RFX3: variants seen among roughly 807,000 people sequenced by gnomAD.
RFX3 encodes the protein transcription factor RFX3.
Under a neutral mutation model 98.6 loss-of-function variants are expected in RFX3, and 14 were observed. That is an observed-to-expected ratio of 0.14 (90% CI 0.09 to 0.22). The LOEUF is 0.22. RFX3 is among the 10% of genes least tolerant of loss of function. RFX3 has a pLI of 1.00. For synonymous variants in RFX3, 383 were observed against 328.4 expected (o/e 1.17, Z -1.80); for missense variants, 639 against 926.9 (o/e 0.69, Z 4.03).
intron 1 of RFX3, among the ~76,000 whole-genome samples, chr9:3,524,811 C>A (rs907288284): frequency 2.1e-5 from 3 of 145,896 alleles, no homozygotes; most frequent in African/African-American, 7.6e-5. Flanking sequence ...TGCCCTGCAT[C>A]CGGTTTAAAT....
At chr9:3,497,013 T>C (rs567132511) in intron 1 of RFX3, among the ~76,000 whole-genome samples, 5 of 152,096 alleles carry the variant, frequency 3.3e-5, no homozygotes, top group African/African-American at 9.6e-5. Flanking sequence ...TCAAGATTAG[T>C]TGCAGGAGGT....
chr9:3,474,173 G>A (rs550431186), intron 1 of RFX3, among the ~76,000 whole-genome samples: 1 of 152,242 alleles, frequency 6.6e-6, no homozygotes, highest in South Asian at 2.1e-4. Flanking sequence ...GATATGACTT[G>A]TTATAGATGT....
chr9:3,493,010 T>A (rs1458666981), intron 1 of RFX3, among the ~76,000 whole-genome samples: 1 of 152,144 alleles, frequency 6.6e-6, no homozygotes, highest in African/African-American at 2.4e-5. Flanking sequence ...TTATAACTCA[T>A]CAAATAATAA....
chr9:3,353,632 G>A (rs1286186388), intron 2 of RFX3, among the ~76,000 whole-genome samples: 1 of 151,888 alleles, frequency 6.6e-6, no homozygotes, highest in South Asian at 2.1e-4. Flanking sequence ...ACAACTTTAG[G>A]CTCATCCTAA....
chr9:3,430,316 T>G (rs553054611), intron 1 of RFX3, among the ~76,000 whole-genome samples: 2 of 152,298 alleles, frequency 1.3e-5, no homozygotes, highest in Admixed American at 1.3e-4. Context: ...TGAGTAAATT[T>G]TAATCAGCTT....
At chr9:3,296,309 C>A (rs999924927) in intron 5 of RFX3, among the ~76,000 whole-genome samples, 1 of 151,818 alleles carries the variant, frequency 6.6e-6, no homozygotes, top group Admixed American at 6.6e-5. Context: ...AACGTTGGCA[C>A]AAACTACTTA....
intron 2 of RFX3, among the ~76,000 whole-genome samples, chr9:3,353,113 G>A (rs928327334): frequency 1.2e-4 from 18 of 150,338 alleles, no homozygotes; most frequent in African/African-American, 3.7e-4. Flanking sequence ...AACCAAACAC[G>A]GCATGTTCTC....
At chr9:3,294,966 G>C (rs1827817957) in intron 5 of RFX3, among the ~76,000 whole-genome samples, 1 of 152,028 alleles carries the variant, frequency 6.6e-6, no homozygotes. Flanking sequence ...TTTTTACAAT[G>C]ACATAAAAGT....
At chr9:3,348,697 TTTTTA>T (rs1233772830) in intron 2 of RFX3, among the ~76,000 whole-genome samples, 2 of 152,014 alleles carry the variant, frequency 1.3e-5, no homozygotes, top group Non-Finnish European at 2.9e-5. Flanking sequence ...TCGGTGTGGT[TTTTTA>T]TTTTGTTTTT....
At chr9:3,332,268 C>T (rs1832684988) in intron 3 of RFX3, among the ~76,000 whole-genome samples, 1 of 152,054 alleles carries the variant, frequency 6.6e-6, no homozygotes, top group Non-Finnish European at 1.5e-5. Flanking sequence ...AATGAGAGAT[C>T]TTGGGGATAG....
At chr9:3,445,650 C>G (rs1225727554) in intron 1 of RFX3, among the ~76,000 whole-genome samples, 1 of 152,104 alleles carries the variant, frequency 6.6e-6, no homozygotes, top group East Asian at 1.9e-4. Flanking sequence ...CAAATTTTCT[C>G]ATGTTATGCA....
intron 2 of RFX3, among the ~76,000 whole-genome samples, chr9:3,354,888 A>G (rs897523668): frequency 6.6e-6 from 1 of 151,880 alleles, no homozygotes; most frequent in Non-Finnish European, 1.5e-5. Context: ...TTTTCTGACT[A>G]TGTAGAGCAA....
At chr9:3,400,602 T>G (rs1841383189) in intron 1 of RFX3, among the ~76,000 whole-genome samples, 1 of 152,250 alleles carries the variant, frequency 6.6e-6, no homozygotes, top group South Asian at 2.1e-4. Flanking sequence ...AGACACAATT[T>G]CATTTTCCTC....
intron 3 of RFX3, among the ~76,000 whole-genome samples, chr9:3,332,606 T>C (rs1832720248): frequency 6.6e-6 from 1 of 152,248 alleles, no homozygotes; most frequent in South Asian, 2.1e-4. Flanking sequence ...GATATAAAAA[T>C]AAAACCGCTT....
At chr9:3,438,700 C>T (rs78803309) in intron 1 of RFX3, among the ~76,000 whole-genome samples, 4,099 of 151,916 alleles carry the variant, frequency 0.027, 197 homozygotes, top group African/African-American at 0.095. Flanking sequence ...AAAGATATAC[C>T]ACACTAATAC....
At chr9:3,277,191 T>C (rs988835578) in intron 8 of RFX3, 149 bp downstream of exon 8, 2 of 647,042 alleles carry the variant, frequency 3.1e-6, no homozygotes, top group Admixed American at 2.8e-5. Context: ...AGACATGAAC[T>C]AGGACTGTTA....
intron 1 of RFX3, among the ~76,000 whole-genome samples, chr9:3,516,216 T>A (rs1378569419): frequency 6.6e-6 from 1 of 151,884 alleles, no homozygotes; most frequent in Non-Finnish European, 1.5e-5. Context: ...GCCCAGCTAA[T>A]TTTTTGTATT....
chr9:3,262,461 T>C (rs1172866839), intron 13 of RFX3, among the ~76,000 whole-genome samples: 3 of 152,152 alleles, frequency 2.0e-5, no homozygotes, highest in Non-Finnish European at 2.9e-5. Context: ...AATAGAATTG[T>C]TCTTAGTTCT....
At chr9:3,382,601 A>C (rs1215176896) in intron 2 of RFX3, among the ~76,000 whole-genome samples, 1 of 152,098 alleles carries the variant, frequency 6.6e-6, no homozygotes. Context: ...AGAATCATTT[A>C]GTTTGTATTT....
Sources: gnomAD v4.1 joint callset for allele counts (sites outside exome capture counted in the v4.1 genomes callset) on GRCh38, gnomAD v4.1.1 for gene constraint, MANE v1.5 for transcripts, NCBI Gene and HGNC (gene_info 2026-07-23, HGNC 2026-07-21) for gene names.